Variants in SLC16A14 observed in about 807,000 individuals in gnomAD.
SLC16A14 encodes the protein solute carrier family 16 member 14, also known as monocarboxylate transporter 14.
Under a neutral mutation model 35.8 loss-of-function variants are expected in SLC16A14, and 14 were observed. The ratio of observed to expected loss-of-function variants is 0.39; its 90% confidence interval spans 0.26 to 0.61. The LOEUF is 0.61. Among genes scored for constraint, SLC16A14 ranks in the 20% least tolerant of loss-of-function variants. The pLI is 0.51. For synonymous variants in SLC16A14, 248 were observed against 258.9 expected (o/e 0.96, Z 0.40); for missense variants, 533 against 655.0 (o/e 0.81, Z 2.03).
At position 230,046,485 on chromosome 2, in the gene SLC16A14, GGAGAGA is replaced by G; in HGVS notation, c.635_640del (p.Leu212_Ser213del). On this transcript the variant is annotated inframe_deletion, in exon 4 of 5. Coordinates refer to ENST00000295190, the MANE Select transcript of SLC16A14 (RefSeq NM_152527.5). This position sits in a 1 kb window ranked among gnomAD's most constrained non-coding sequence, Gnocchi z 5.0. ...TCCTGGGTCGTTTGGGTTTTTACCA[GGAGAGA>G]GGGGCCTCATGAGCGCCCCACAAAC... 1 of 1,614,176 alleles carries G rather than the reference GGAGAGA, an allele frequency of 6.2e-7. No homozygotes were observed. Among genetic ancestry groups the G allele is most frequent in the Non-Finnish European group, 8.5e-7 (1 of 1,180,026 alleles).
In SLC16A14 at chr2:230,063,734, G is replaced by A. The variant is rs76113130; in HGVS notation, c.-14-4368C>T. Among the ~76,000 whole-genome samples, 144 of 152,252 alleles carry A rather than the reference G, an allele frequency of 9.5e-4. No individual in the cohort carries two copies. The East Asian group carries it at 0.024, about 26-fold the overall frequency. On this transcript the variant is annotated intron_variant, in intron 1 of 4. Coordinates refer to ENST00000295190, the MANE Select transcript of SLC16A14 (RefSeq NM_152527.5). ...CTGGAGCAAAACAAAGAAAAATGTT[G>A]ATGGAGATTATTCTTTGAATGATGG... is the stretch of plus-strand genomic sequence containing the variant.
At position 230,046,117 on chromosome 2, in the gene SLC16A14, G is replaced by A. The variant is rs201567975; in HGVS notation, c.1009C>T (p.Leu337Phe). The change falls in exon 4 of 5, where the codon CTC becomes TTC. Residue 337 changes from leucine to phenylalanine, a missense_variant. Leu to Phe is a conservative substitution (Grantham distance 22). Coordinates refer to ENST00000295190, the MANE Select transcript of SLC16A14 (RefSeq NM_152527.5). This position sits in a 1 kb window ranked among gnomAD's most constrained non-coding sequence, Gnocchi z 5.0. ...YSSFVIPFIH[L>F]PEIVNLYNLS... ...TTATACAAATTGACGATTTCTGGGAGGTGAATGAAGGGGATGACAAAGCTG... is the reference window on the plus strand; with the variant it reads ...TTATACAAATTGACGATTTCTGGGAAGTGAATGAAGGGGATGACAAAGCTG... 1.2e-5 allele frequency: 19 copies of A among 1,613,978 alleles called. No individual in the cohort carries two copies. In the East Asian group the frequency reaches 4.2e-4, roughly 36 times the overall value.
Position 230,048,943 on chromosome 2 carries a change from A to G in SLC16A14, c.403+818T>C, listed in dbSNP as rs10185947. Among the ~76,000 whole-genome samples the G allele has an allele frequency of 1.3e-3, 135 of 107,268 alleles. 14 individuals carry two copies. Among genetic ancestry groups the G allele is most frequent in the South Asian group, 2.0e-3 (7 of 3,540 alleles). The allele number at this position is 107,268 out of a possible 152,430, so 70.4% of individuals were successfully genotyped here. On this transcript the variant is annotated intron_variant, in intron 3 of 4. Transcript: ENST00000295190. Reference sequence around the variant, plus strand: ...CATCTCAAAAAAAAAAAAAAAAAAAAAACAAATGATTATTAAAGAGTAAAT... The same window carrying G: ...CATCTCAAAAAAAAAAAAAAAAAAAGAACAAATGATTATTAAAGAGTAAAT...
intron 1 of SLC16A14, among the ~76,000 whole-genome samples, chr2:230,060,082 T>G (rs910183128): frequency 1.3e-5 from 2 of 152,160 alleles, no homozygotes; most frequent in African/African-American, 4.8e-5. Flanking sequence ...TACTAGAAAA[T>G]TACTTCAAAA....
In SLC16A14 at chr2:230,037,215, G is replaced by A. The variant is rs999692750; in HGVS notation, c.*165C>T. On this transcript the variant is annotated 3_prime_UTR_variant, in exon 5 of 5. Transcript: ENST00000295190. ...CCAGCATTACATCTCCCCAAACAGAGAGGCAGTGCTGCTTACAAATGAGGC... is the reference window on the plus strand; with the variant it reads ...CCAGCATTACATCTCCCCAAACAGAAAGGCAGTGCTGCTTACAAATGAGGC... 1 of 520,704 alleles carries A rather than the reference G, an allele frequency of 1.9e-6. No individual in the cohort carries two copies. The highest frequency in any genetic ancestry group is 3.4e-5 in the South Asian group (1 of 29,266). 32.3% of individuals were successfully genotyped at this position (520,704 alleles called of 1,614,324 possible).
intron 2 of SLC16A14, among the ~76,000 whole-genome samples, chr2:230,053,096 C>G (rs1486917677): frequency 6.6e-6 from 1 of 152,060 alleles, no homozygotes; most frequent in Non-Finnish European, 1.5e-5. Context: ...TGCTTGTCAC[C>G]ATGCCCAGCT....
chr2:230,045,458 G>A (rs748003520), intron 4 of SLC16A14, among the ~76,000 whole-genome samples: 9 of 152,162 alleles, frequency 5.9e-5, no homozygotes, highest in Non-Finnish European at 1.0e-4. Flanking sequence ...TACATGGGAG[G>A]CTAAGGCAGG....
At chr2:230,055,388 G>C (rs2077696703) in intron 2 of SLC16A14, among the ~76,000 whole-genome samples, 1 of 152,154 alleles carries the variant, frequency 6.6e-6, no homozygotes, top group Non-Finnish European at 1.5e-5. Context: ...TAGGTAAATA[G>C]ATAGAATAAA....
intron 4 of SLC16A14, among the ~76,000 whole-genome samples, chr2:230,042,641 C>T (rs77397935): frequency 0.016 from 2,469 of 152,280 alleles, 69 homozygotes; most frequent in African/African-American, 0.055. Flanking sequence ...GTCCCCATAC[C>T]TCCAATGGAT....
intron 1 of SLC16A14, among the ~76,000 whole-genome samples, chr2:230,060,446 G>A (rs1419149334): frequency 6.6e-6 from 1 of 152,018 alleles, no homozygotes; most frequent in Non-Finnish European, 1.5e-5. Flanking sequence ...TGGGCTCAAG[G>A]GATCTCCCAC....
intron 4 of SLC16A14, among the ~76,000 whole-genome samples, chr2:230,044,647 C>G (rs1270004404): frequency 6.6e-6 from 1 of 151,746 alleles, no homozygotes; most frequent in Non-Finnish European, 1.5e-5. Context: ...CCCCTAAAGC[C>G]TCAAGAAGGA....
chr2:230,046,636 T>C lies in SLC16A14; in HGVS notation c.490A>G (p.Ser164Gly), dbSNP rs2077610629. ...GTACCGAATCCGGTCCCCGTGGTGC[T>C]GAGGCCCTGGGCGAGGGCGCGTCTC... ...QKRRALAQGL[S>G]TTGTGFGTFL... is the part of the protein sequence containing the mutation. The change falls in exon 4 of 5, where the codon AGC becomes GGC. Residue 164 changes from serine (S) to glycine (G), a missense_variant. Ser to Gly is a moderately conservative substitution (Grantham distance 56). Transcript: ENST00000295190. The surrounding 1 kb of genome is among the most constrained non-coding windows in gnomAD (Gnocchi z 5.0). 5.0e-6 allele frequency: 8 copies of C among 1,610,934 alleles called. No individual in the cohort carries two copies. The highest frequency in any genetic ancestry group is 6.8e-6 in the Non-Finnish European group (8 of 1,180,038).
At position 230,049,765 on chromosome 2, in the gene SLC16A14, T is replaced by C. The variant is rs555106896; in HGVS notation, c.399A>G (p.Ala133=). 1 of 1,612,728 alleles carries C rather than the reference T, an allele frequency of 6.2e-7. No individual in the cohort carries two copies. Among genetic ancestry groups the C allele is most frequent in the East Asian group, 2.2e-5 (1 of 44,844 alleles). Residue 133 remains alanine, a synonymous_variant, in exon 3 of 5, where the codon GCA becomes GCG. Coordinates refer to ENST00000295190, the MANE Select transcript of SLC16A14 (RefSeq NM_152527.5). ...TAAAAAAAGCCACATGCTTACCAGCTGCGACTCCAAAAGTAATGAAGAGAT... is the reference window on the plus strand; with the variant it reads ...TAAAAAAAGCCACATGCTTACCAGCCGCGACTCCAAAAGTAATGAAGAGAT... ...VHYLFITFGV[A]AGLGSGMAYL... is the part of the protein sequence containing the mutation.
At chr2:230,045,552 T>G (rs2077597635) in intron 4 of SLC16A14, 193 bp downstream of exon 4, 1 of 657,164 alleles carries the variant, frequency 1.5e-6, no homozygotes, top group African/African-American at 1.8e-5. Context: ...AGAGCGAGAC[T>G]CCGTCTTGAA....
intron 3 of SLC16A14, among the ~76,000 whole-genome samples, chr2:230,048,111 T>C (rs941046541): frequency 1.3e-5 from 2 of 152,240 alleles, no homozygotes; most frequent in Non-Finnish European, 2.9e-5. Context: ...TAACCATATT[T>C]ACCTATTAGC....
intron 4 of SLC16A14, among the ~76,000 whole-genome samples, chr2:230,039,634 A>G (rs1288144633): frequency 6.6e-6 from 1 of 152,234 alleles, no homozygotes; most frequent in Non-Finnish European, 1.5e-5. Context: ...TGTAATCTAC[A>G]ATTTTAAAAA....
intron 4 of SLC16A14, among the ~76,000 whole-genome samples, chr2:230,040,398 T>C (rs770516202): frequency 2.0e-5 from 3 of 152,094 alleles, no homozygotes; most frequent in Non-Finnish European, 4.4e-5. Flanking sequence ...AATTTTTGTA[T>C]TTTTAGTAGA....
intron 2 of SLC16A14, chr2:230,058,419 T>G (rs1221377264): frequency 6.6e-6 from 1 of 152,156 alleles, no homozygotes; most frequent in Non-Finnish European, 1.5e-5. Context: ...ATAATTTCAC[T>G]TACATGAGGT....
At chr2:230,059,003 C>A (rs1231199080) in intron 2 of SLC16A14, 91 bp downstream of exon 2, 11 of 1,491,768 alleles carry the variant, frequency 7.4e-6, no homozygotes, top group Non-Finnish European at 9.8e-6. Flanking sequence ...CATCCAATAT[C>A]GAATGTTACA....
Sources: gnomAD v4.1 joint callset for allele counts (sites outside exome capture counted in the v4.1 genomes callset) on GRCh38, gnomAD v4.1.1 for gene constraint, Gnocchi (gnomAD v3.1) non-coding constraint, MANE v1.5 for transcripts, NCBI Gene and HGNC (gene_info 2026-07-23, HGNC 2026-07-21) for gene names.